Variants in CCDC66 observed in about 807,000 individuals in gnomAD.
CCDC66 encodes coiled-coil domain containing 66.
CCDC66 carries 133 observed loss-of-function variants against 128.3 expected under a neutral mutation model. The ratio of observed to expected loss-of-function variants is 1.04; its 90% CI spans 0.90 to 1.20. The LOEUF (loss-of-function observed/expected upper bound fraction) is 1.20, where lower values mean the gene tolerates loss of function less well. Among genes scored for constraint, CCDC66 ranks in the 50% most tolerant of loss-of-function variants. The pLI, the probability that CCDC66 is intolerant of heterozygous loss-of-function variation, is 0.00. For synonymous variants in CCDC66, 387 were observed against 357.0 expected (o/e 1.08, Z -0.95); for missense variants, 1,126 against 1,075.5 (o/e 1.05, Z -0.66).
intron 6 of CCDC66, chr3:56,570,061 C>G (rs2107834201): frequency 6.6e-6 from 1 of 152,336 alleles, no homozygotes; most frequent in East Asian, 1.9e-4. Flanking sequence ...GTCTCAAACT[C>G]CTAACCTCAG....
intron 10 of CCDC66, among the ~76,000 whole-genome samples, chr3:56,606,934 C>G (rs943068731): frequency 2.0e-5 from 3 of 150,938 alleles, no homozygotes; most frequent in Middle Eastern, 3.4e-3. Context: ...TTTGCTTTGT[C>G]GAAGATCAGT....
chr3:56,564,090 C>T lies in CCDC66; in HGVS notation c.509C>T (p.Ser170Phe), dbSNP rs144464888. ...ILMTVNQGNR[S>F]LSLTENGKEA... ...ATGACTGTAAACCAAGGAAATAGAT[C>T]TCTTTCCCTGACTGAGAATGGAAAG... Residue 170 changes from serine to phenylalanine, a missense_variant, in exon 4 of 18, where the codon TCT (serine) becomes TTT (phenylalanine). Physicochemically the swap from Ser to Phe is radical, Grantham distance 155. Coordinates refer to ENST00000394672, the MANE Select transcript of CCDC66 (RefSeq NM_001141947.3). 11 of 1,607,728 alleles carry T rather than the reference C, an allele frequency of 6.8e-6. No homozygotes were observed. Among genetic ancestry groups the T allele is most frequent in the African/African-American group, 5.4e-5 (4 of 74,680 alleles).
At chr3:56,618,721 CAGT>C (rs1205099033) in intron 15 of CCDC66, 2 of 157,006 alleles carry the variant, frequency 1.3e-5, no homozygotes, top group African/African-American at 4.8e-5. Context: ...TAAGGAGAAA[CAGT>C]AGGCTCAGAT....
At chr3:56,592,166 A>G (rs1577660870) in intron 7 of CCDC66, among the ~76,000 whole-genome samples, 1 of 152,190 alleles carries the variant, frequency 6.6e-6, no homozygotes, top group Non-Finnish European at 1.5e-5. Flanking sequence ...GCAGAAACCT[A>G]GAAGACAGAG....
At chr3:56,594,959 TGAA>T (rs765784001) in intron 10 of CCDC66, among the ~76,000 whole-genome samples, 8 of 152,150 alleles carry the variant, frequency 5.3e-5, no homozygotes, top group Non-Finnish European at 1.0e-4. Flanking sequence ...CTCCTAGGGT[TGAA>T]GAAAAGGCAT....
chr3:56,615,931 T>A lies in CCDC66; in HGVS notation c.1721T>A (p.Ile574Lys). 1 of 1,594,558 alleles carries A rather than the reference T, an allele frequency of 6.3e-7. No homozygotes were observed. The highest frequency in any genetic ancestry group is 1.1e-5 in the South Asian group (1 of 88,720). Reference sequence around the variant, plus strand: ...GATTTCTCTTTGCCAGTTGATACAATACAAATGGAATATAATGCATCTAAC... The same window carrying A: ...GATTTCTCTTTGCCAGTTGATACAAAACAAATGGAATATAATGCATCTAAC... Reference protein sequence around the residue: ...RLIKNLGVDTIQMEYNASNIS... With the variant: ...RLIKNLGVDTKQMEYNASNIS... The change falls in exon 13 of 18, where the codon ATA (isoleucine) becomes AAA (lysine). Residue 574 changes from isoleucine to lysine, a missense_variant. Coordinates refer to ENST00000394672, the MANE Select transcript of CCDC66 (RefSeq NM_001141947.3).
rs1559803421 is a variant in CCDC66, at chr3:56,621,596, A to AGAG, written c.2826_2828dup (p.Glu942_Ser943insArg). 1.0e-5 allele frequency: 16 copies of AGAG among 1,599,306 alleles called. No individual in the cohort carries two copies. Among genetic ancestry groups the AGAG allele is most frequent in the Non-Finnish European group, 1.4e-5 (16 of 1,173,552 alleles). On this transcript the variant is annotated inframe_insertion, in exon 18 of 18. Transcript: ENST00000394672. ...CTGCCTTTAGCTGAAAATCAAGAAG[A>AGAG]GAGTTTTGGTTCTTCATTTTAAATG...
At chr3:56,613,830 G>T in intron 11 of CCDC66, 80 bp downstream of exon 11, 1 of 1,174,826 alleles carries the variant, frequency 8.5e-7, no homozygotes, top group Non-Finnish European at 1.2e-6. Context: ...GCCCAGGTTG[G>T]AGTGCAGTGG....
At chr3:56,617,802 A>G (rs911313722) in intron 14 of CCDC66, 197 bp downstream of exon 14, 1 of 628,534 alleles carries the variant, frequency 1.6e-6, no homozygotes, top group Non-Finnish European at 2.7e-6. Context: ...TCATTCTTTT[A>G]TGAATTGTCT....
intron 15 of CCDC66, 55 bp downstream of exon 15, chr3:56,618,267 A>G (rs1440559079): frequency 5.5e-6 from 8 of 1,452,434 alleles, no homozygotes; most frequent in African/African-American, 1.4e-5. Flanking sequence ...ATGTGGGACA[A>G]AAAAGGGATT....
At chr3:56,604,055 T>G (rs2073681502) in intron 10 of CCDC66, among the ~76,000 whole-genome samples, 1 of 152,052 alleles carries the variant, frequency 6.6e-6, no homozygotes, top group Non-Finnish European at 1.5e-5. Context: ...CTTCTTTGTC[T>G]CTTTTGATCT....
chr3:56,559,657 G>A (rs1431642967), intron 3 of CCDC66, 63 bp downstream of exon 3: 1 of 1,186,200 alleles, frequency 8.4e-7, no homozygotes, highest in Non-Finnish European at 1.2e-6. Context: ...ATTTATAGTG[G>A]TTAGAAAATA....
intron 7 of CCDC66, among the ~76,000 whole-genome samples, chr3:56,590,115 A>G (rs962712320): frequency 6.6e-6 from 1 of 152,248 alleles, no homozygotes. Flanking sequence ...GCCAGTAGAC[A>G]AGGTCGGCAG....
intron 7 of CCDC66, among the ~76,000 whole-genome samples, chr3:56,587,945 A>G (rs1262043555): frequency 6.6e-6 from 1 of 152,246 alleles, no homozygotes; most frequent in East Asian, 1.9e-4. Flanking sequence ...CTACTGGGTA[A>G]CTACCCAGAG....
chr3:56,617,162 T>G lies in CCDC66; in HGVS notation c.1894T>G (p.Leu632Val). The G allele has an allele frequency of 6.2e-7, 1 of 1,608,856 alleles. No homozygotes were observed. The highest frequency in any genetic ancestry group is 2.2e-5 in the East Asian group (1 of 44,782). Residue 632 changes from leucine (L) to valine (V), a missense_variant, in exon 14 of 18, where the codon TTA (leucine) becomes GTA (valine). Coordinates refer to ENST00000394672, the MANE Select transcript of CCDC66 (RefSeq NM_001141947.3). The part of the protein sequence containing the change: ...FTNAESHCGS[L>V]MERDITNCSS... ...CAATGCAGAATCACATTGTGGATCA[T>G]TAATGGAGAGGGACATCACAAATTG...
chr3:56,578,876 T>TTTG, intron 7 of CCDC66, among the ~76,000 whole-genome samples: 1 of 151,946 alleles, frequency 6.6e-6, no homozygotes, highest in Admixed American at 6.6e-5. Flanking sequence ...ATTCTCTTTT[T>TTTG]TTGTTGTGTC....
chr3:56,615,355 AG>A (rs2107363229), intron 12 of CCDC66, 83 bp downstream of exon 12: 1 of 1,382,840 alleles, frequency 7.2e-7, no homozygotes, highest in East Asian at 2.5e-5. Context: ...TTTGGAGACA[AG>A]GACTCATTCT....
intron 10 of CCDC66, among the ~76,000 whole-genome samples, chr3:56,609,181 C>T (rs572058095): frequency 3.3e-5 from 5 of 152,082 alleles, no homozygotes. Flanking sequence ...GTCTTGATGA[C>T]CTGTCTAGTC....
In CCDC66 at chr3:56,616,067, A is replaced by G; in HGVS notation, c.1843+14A>G. 1 of 1,573,360 alleles carries G rather than the reference A, an allele frequency of 6.4e-7. No individual in the cohort carries two copies. Among genetic ancestry groups the G allele is most frequent in the Admixed American group, 1.9e-5 (1 of 52,056 alleles). ...GTGTGCAAACAGGTATTTGTGTGGAAATTGTGGTTTGGTTTAAAATTTACT... is the reference window on the plus strand; with the variant it reads ...GTGTGCAAACAGGTATTTGTGTGGAGATTGTGGTTTGGTTTAAAATTTACT... On this transcript the variant is annotated intron_variant, in intron 13 of 17. Transcript: ENST00000394672.
Sources: gnomAD v4.1 joint callset for allele counts (sites outside exome capture counted in the v4.1 genomes callset) on GRCh38, gnomAD v4.1.1 for gene constraint, MANE v1.5 for transcripts, NCBI Gene and HGNC (gene_info 2026-07-23, HGNC 2026-07-21) for gene names.